NMRK1: variants seen among roughly 807,000 people sequenced by gnomAD.
The protein encoded by NMRK1 is nicotinamide riboside kinase 1, also known as NRK 1.
A neutral mutation model predicts 29.9 loss-of-function variants in NMRK1; 28 were observed. The ratio of observed to expected loss-of-function variants is 0.94; its 90% CI spans 0.69 to 1.28. The LOEUF (loss-of-function observed/expected upper bound fraction) is 1.28, where lower values mean the gene tolerates loss of function less well. NMRK1 is among the 50% of genes most tolerant of loss of function. The probability of loss-of-function intolerance (pLI) is 0.00; values close to 1 mark genes in which losing one functional copy is unlikely to be tolerated. For missense variants in NMRK1, 218 were observed against 233.1 expected (o/e 0.94, Z 0.42); for synonymous variants, 58 against 73.0 (o/e 0.79, Z 1.05).
At position 75,061,191 on chromosome 9, in the gene NMRK1, C is replaced by T. The variant is rs965783378; in HGVS notation, c.*357G>A. ...AATACATAAACATACACAATGAATT[C>T]CACAGATATTGGATTGTGATGTAAT... On this transcript the variant is annotated 3_prime_UTR_variant, in exon 9 of 9. Transcript: ENST00000361092. The T allele has an allele frequency of 4.6e-5, 11 of 240,728 alleles. No individual in the cohort carries two copies. Among genetic ancestry groups the T allele is most frequent in the African/African-American group, 2.5e-4 (11 of 44,588 alleles). 14.9% of individuals were successfully genotyped at this position (240,728 alleles called of 1,614,324 possible). A position where few individuals can be genotyped will look rare whatever the true frequency, so the allele number is the denominator to read the frequency against.
chr9:75,069,863 C>T (rs529978681), intron 5 of NMRK1, 32 bp downstream of exon 5: 1 of 1,612,276 alleles, frequency 6.2e-7, no homozygotes, highest in African/African-American at 1.3e-5. Flanking sequence ...CCCCCATTCA[C>T]TCAGAGACAA....
intron 1 of NMRK1, among the ~76,000 whole-genome samples, chr9:75,083,961 T>C (rs1227756254): frequency 6.6e-6 from 1 of 152,206 alleles, no homozygotes; most frequent in Non-Finnish European, 1.5e-5. Context: ...CTTAATTGGA[T>C]TTCTGTTGTG....
At chr9:75,084,469 T>C (rs2118271250) in intron 1 of NMRK1, among the ~76,000 whole-genome samples, 1 of 152,356 alleles carries the variant, frequency 6.6e-6, no homozygotes, top group African/African-American at 2.4e-5. Context: ...AACAAGTCTA[T>C]GTGAGACAAG....
chr9:75,088,018 T>C lies in NMRK1; in HGVS notation c.-46A>G, dbSNP rs1824789021. 1 of 152,904 alleles carries C rather than the reference T, an allele frequency of 6.5e-6. No homozygotes were observed. Among genetic ancestry groups the C allele is most frequent in the South Asian group, 2.1e-4 (1 of 4,842 alleles). 9.5% of individuals were successfully genotyped at this position (152,904 alleles called of 1,614,324 possible). On this transcript the variant is annotated 5_prime_UTR_variant, in exon 1 of 9. Coordinates refer to ENST00000361092, the MANE Select transcript of NMRK1 (RefSeq NM_017881.3). Reference sequence around the variant, plus strand: ...CAGGTACGCACTCACCTGGCGCCAGTTCGAGTCCTCCCAAACACAGCGGCA... The same window carrying C: ...CAGGTACGCACTCACCTGGCGCCAGCTCGAGTCCTCCCAAACACAGCGGCA...
Position 75,061,246 on chromosome 9 carries a change from A to G in NMRK1, c.*302T>C. 1 of 343,454 alleles carries G rather than the reference A, an allele frequency of 2.9e-6. No individual in the cohort carries two copies. Among genetic ancestry groups the G allele is most frequent in the Non-Finnish European group, 5.3e-6 (1 of 189,386 alleles). 21.3% of individuals were successfully genotyped at this position (343,454 alleles called of 1,614,324 possible). ...ATTTCTTACTCTGAGCTCCAGTTAGAAAAGTTTGACAATCATTGTTATAGA... is the reference window on the plus strand; with the variant it reads ...ATTTCTTACTCTGAGCTCCAGTTAGGAAAGTTTGACAATCATTGTTATAGA... On this transcript the variant is annotated 3_prime_UTR_variant, in exon 9 of 9. Coordinates refer to ENST00000361092, the MANE Select transcript of NMRK1 (RefSeq NM_017881.3).
intron 4 of NMRK1, among the ~76,000 whole-genome samples, chr9:75,076,565 G>A (rs1823999921): frequency 6.6e-6 from 1 of 152,158 alleles, no homozygotes; most frequent in African/African-American, 2.4e-5. Context: ...TATCATTTCA[G>A]TGTTTTCAGT....
At chr9:75,086,992 G>T (rs3758189) in intron 1 of NMRK1, among the ~76,000 whole-genome samples, 39,954 of 149,932 alleles carry the variant, frequency 0.27, 6,098 homozygotes, top group East Asian at 0.43. Flanking sequence ...TGCAACCTCC[G>T]CCTTCTGGGT....
At position 75,060,580 on chromosome 9, in the gene NMRK1, T is replaced by G. The variant is rs1317437674; in HGVS notation, c.*968A>C. The stretch of plus-strand genomic sequence containing the variant: ...TATAAAAAAAAGATTGAGATGGTTG[T>G]GTGTAATCTTTTTATTAATAAGCAA... On this transcript the variant is annotated 3_prime_UTR_variant, in exon 9 of 9. Transcript: ENST00000361092. The G allele has an allele frequency of 6.6e-6, 1 of 152,154 alleles. No homozygotes were observed. Among genetic ancestry groups the G allele is most frequent in the Non-Finnish European group, 1.5e-5 (1 of 68,008 alleles). The allele number at this position is 152,154 out of a possible 1,614,324, so 9.4% of individuals were successfully genotyped here. A position where few individuals can be genotyped will look rare whatever the true frequency, so the allele number is the denominator to read the frequency against.
At chr9:75,083,259 G>A (rs1824424415) in intron 1 of NMRK1, 109 bp from the exon 2 acceptor site, 1 of 660,874 alleles carries the variant, frequency 1.5e-6, no homozygotes, top group African/African-American at 1.8e-5. Context: ...GGATGACAGT[G>A]ACCTTTCAGC....
At position 75,083,278 on chromosome 9, in the gene NMRK1, G is replaced by A. The variant is rs577521738; in HGVS notation, c.-35-128C>T. 53 of 628,238 alleles carry A rather than the reference G, an allele frequency of 8.4e-5. No individual in the cohort carries two copies. The African/African-American group carries it at 8.9e-4, about 11-fold the overall frequency. 38.9% of individuals were successfully genotyped at this position (628,238 alleles called of 1,614,324 possible). On this transcript the variant is annotated intron_variant, in intron 1 of 8. Coordinates refer to ENST00000361092, the MANE Select transcript of NMRK1 (RefSeq NM_017881.3). ...GACAGTGACCTTTCAGCCCAGCCCC[G>A]CATTATCCACATTCCCGCCGCACTG...
At chr9:75,077,308 A>C (rs1176955152) in intron 3 of NMRK1, 101 bp from the exon 4 acceptor site, 3 of 946,630 alleles carry the variant, frequency 3.2e-6, no homozygotes, top group Non-Finnish European at 5.0e-6. Flanking sequence ...GCTTTGGATG[A>C]TCAAAGAAAG....
intron 8 of NMRK1, among the ~76,000 whole-genome samples, chr9:75,062,402 A>C (rs1332379111): frequency 1.3e-5 from 2 of 152,184 alleles, no homozygotes; most frequent in African/African-American, 2.4e-5. Context: ...TTTGATTTGG[A>C]ACTAGACATG....
rs1822998902 is a variant in NMRK1 at position 75,061,142 on chromosome 9, C to CACACAT, written c.*405_*406insATGTGT. ...ATACTTGATGTATGTATGTATCACA[C>CACACAT]ACACACATACACACCTACACACAAA... is the stretch of plus-strand genomic sequence containing the variant. On this transcript the variant is annotated 3_prime_UTR_variant, in exon 9 of 9. Transcript: ENST00000361092. The CACACAT allele has an allele frequency of 5.7e-6, 1 of 175,930 alleles. No individual in the cohort carries two copies. The highest frequency in any genetic ancestry group is 1.2e-5 in the Non-Finnish European group (1 of 82,786). The allele number at this position is 175,930 out of a possible 1,614,324, so 10.9% of individuals were successfully genotyped here.
chr9:75,070,080 C>T, intron 4 of NMRK1, 38 bp from the exon 5 acceptor site: 2 of 1,574,238 alleles, frequency 1.3e-6, no homozygotes, highest in Non-Finnish European at 1.7e-6. Flanking sequence ...ATCAATATAG[C>T]ACAAAATTTT....
At chr9:75,074,928 T>C (rs1015617608) in intron 4 of NMRK1, among the ~76,000 whole-genome samples, 5 of 152,214 alleles carry the variant, frequency 3.3e-5, no homozygotes, top group Non-Finnish European at 5.9e-5. Context: ...GGCATGAACA[T>C]GCTAAGTTTG....
Position 75,084,683 on chromosome 9 carries a change from C to T in NMRK1, c.-35-1533G>A, listed in dbSNP as rs193111607. ...CATGCTCCTGTAGTCCCAGCTACTT[C>T]GGAGGCTGAGGTGGGAGGATTGCTT... is the stretch of plus-strand genomic sequence containing the variant. On this transcript the variant is annotated intron_variant, in intron 1 of 8. Coordinates refer to ENST00000361092, the MANE Select transcript of NMRK1 (RefSeq NM_017881.3). Among the ~76,000 whole-genome samples the T allele has an allele frequency of 3.9e-5, 6 of 152,196 alleles. No individual in the cohort carries two copies. The East Asian group carries it at 7.7e-4, about 20-fold the overall frequency.
chr9:75,081,776 T>C (rs1244582279), intron 2 of NMRK1, among the ~76,000 whole-genome samples: 2 of 152,176 alleles, frequency 1.3e-5, no homozygotes, highest in African/African-American at 4.8e-5. Context: ...GCTGAGTGTA[T>C]GTGGACCAGG....
chr9:75,072,558 A>G (rs1472121713), intron 4 of NMRK1, among the ~76,000 whole-genome samples: 4 of 152,254 alleles, frequency 2.6e-5, no homozygotes, highest in African/African-American at 9.6e-5. Flanking sequence ...GGGTGAGGGT[A>G]TAGATGAAAT....
intron 7 of NMRK1, among the ~76,000 whole-genome samples, chr9:75,067,988 A>G (rs180682459): frequency 6.6e-6 from 1 of 152,302 alleles, no homozygotes; most frequent in African/African-American, 2.4e-5. Context: ...AAGCCCACAG[A>G]TCCGGATGCT....
Sources: gnomAD v4.1 joint callset for allele counts (sites outside exome capture counted in the v4.1 genomes callset) on GRCh38, gnomAD v4.1.1 for gene constraint, MANE v1.5 for transcripts, NCBI Gene and HGNC (gene_info 2026-07-23, HGNC 2026-07-21) for gene names.